The following BLTP2 variants were observed in gnomAD, a reference collection of about 807,000 sequenced individuals.
BLTP2 encodes the protein U937-associated antigen.
At chr17:28,621,393 G>T in the BLTP2 span, 1 of 1,611,222 alleles carries the variant, frequency 6.2e-7, no homozygotes, top group African/African-American at 1.3e-5. Flanking sequence ...GAGGGGGAGG[G>T]CTGACCTGTG....
the BLTP2 span, chr17:28,638,171 G>C: frequency 3.1e-6 from 5 of 1,597,024 alleles, no homozygotes; most frequent in South Asian, 5.6e-5. Flanking sequence ...ACTTCCTGCT[G>C]CATTAGGATG....
chr17:28,615,325 A>G, the BLTP2 span: 1 of 1,294,772 alleles, frequency 7.7e-7, no homozygotes, highest in Non-Finnish European at 1.1e-6. Flanking sequence ...CCAAGACAAT[A>G]AAGATTTATT....
the BLTP2 span, chr17:28,631,435 T>C: frequency 2.6e-6 from 4 of 1,553,538 alleles, no homozygotes; most frequent in Non-Finnish European, 3.5e-6. Flanking sequence ...CTGAGATACC[T>C]ACTAATATAA....
At chr17:28,642,771 A>G in the BLTP2 span, 1 of 732,008 alleles carries the variant, frequency 1.4e-6, no homozygotes, top group South Asian at 1.6e-5. Flanking sequence ...ATCTCCTCCA[A>G]CTGCACAGAA....
At chr17:28,617,145 C>T in the BLTP2 span, 2 of 1,272,650 alleles carry the variant, frequency 1.6e-6, no homozygotes, top group Non-Finnish European at 2.3e-6. Context: ...ACATTGTTTT[C>T]CATAGTGGAT....
the BLTP2 span, among the ~76,000 whole-genome samples, chr17:28,620,784 A>G: frequency 6.6e-6 from 1 of 152,208 alleles, no homozygotes. Context: ...TCAGAATCAT[A>G]AACAATGCCC....
the BLTP2 span, chr17:28,615,533 A>C: frequency 8.9e-7 from 1 of 1,120,912 alleles, no homozygotes; most frequent in South Asian, 1.5e-5. Context: ...GTAGGCATAG[A>C]AGCCACTCAC....
At chr17:28,635,620 CAGA>C in the BLTP2 span, 1 of 1,597,478 alleles carries the variant, frequency 6.3e-7, no homozygotes. Flanking sequence ...CTTTAGGGAG[CAGA>C]AGAAAAGGAT....
At chr17:28,644,067 C>G in the BLTP2 span, 2 of 1,614,066 alleles carry the variant, frequency 1.2e-6, no homozygotes, top group African/African-American at 2.7e-5. Context: ...CCACTGTTTG[C>G]TGGTGTTGCT....
chr17:28,642,819 A>T, the BLTP2 span: 1 of 1,017,990 alleles, frequency 9.8e-7, no homozygotes, highest in African/African-American at 1.6e-5. Context: ...CCCTGAAGCA[A>T]CTCTGAGGCA....
the BLTP2 span, among the ~76,000 whole-genome samples, chr17:28,627,222 G>T: frequency 1.3e-5 from 2 of 152,122 alleles, no homozygotes; most frequent in Non-Finnish European, 2.9e-5. Context: ...TCAAGACTCT[G>T]CTTTGAACGC....
chr17:28,639,563 C>A, the BLTP2 span: 178 of 1,613,960 alleles, frequency 1.1e-4, no homozygotes, highest in East Asian at 3.4e-3. Flanking sequence ...CTTGGTACCA[C>A]AATCATCACA....
At chr17:28,616,392 C>G in the BLTP2 span, 1 of 1,614,134 alleles carries the variant, frequency 6.2e-7, no homozygotes, top group South Asian at 1.1e-5. This position sits in a 1 kb window ranked among gnomAD's most constrained non-coding sequence, Gnocchi z 4.8. Context: ...TGGCGATTTG[C>G]GAAATGACCT....
At chr17:28,635,555 G>A in the BLTP2 span, 1 of 1,614,134 alleles carries the variant, frequency 6.2e-7, no homozygotes, top group Non-Finnish European at 8.5e-7. Context: ...TGCTGGTACA[G>A]GTACATGTGA....
At chr17:28,621,421 G>A in the BLTP2 span, 32 of 1,613,728 alleles carry the variant, frequency 2.0e-5, no homozygotes, top group South Asian at 7.7e-5. Flanking sequence ...TAACCATGCC[G>A]CCCACTGCCT....
chr17:28,633,451 T>C, the BLTP2 span: 1 of 1,582,016 alleles, frequency 6.3e-7, no homozygotes, highest in Non-Finnish European at 8.7e-7. Context: ...AAAACCATCC[T>C]CATCTCCCAA....
At chr17:28,633,903 T>C in the BLTP2 span, 1 of 1,614,046 alleles carries the variant, frequency 6.2e-7, no homozygotes, top group African/African-American at 1.3e-5. Context: ...ACAGTGAAAG[T>C]CATGGTAGAA....
chr17:28,645,130 C>G, the BLTP2 span: 18 of 1,259,870 alleles, frequency 1.4e-5, no homozygotes, highest in Admixed American at 3.9e-5. Context: ...CGCGCAGCAC[C>G]GCCGCGGGCC....
the BLTP2 span, chr17:28,624,463 T>G: frequency 7.3e-7 from 1 of 1,362,302 alleles, no homozygotes; most frequent in African/African-American, 1.4e-5. Flanking sequence ...CAGAGCCAAA[T>G]TGATCTTCCC....
Sources: allele counts gnomAD v4.1 joint callset (sites outside exome capture counted in the v4.1 genomes callset), GRCh38; gene constraint gnomAD v4.1.1; non-coding constraint Gnocchi (gnomAD v3.1); transcripts MANE v1.5; gene names NCBI Gene and HGNC (gene_info 2026-07-23, HGNC 2026-07-21).